Variants in DGKB observed in about 807,000 individuals in gnomAD.
DGKB encodes 90 kDa diacylglycerol kinase.
A neutral mutation model predicts 114.3 loss-of-function variants in DGKB; 67 were observed. That is an observed-to-expected ratio of 0.59 (90% CI 0.48 to 0.72). The LOEUF (loss-of-function observed/expected upper bound fraction) is 0.72, where lower values mean the gene tolerates loss of function less well. Among genes scored for constraint, DGKB ranks in the 30% least tolerant of loss-of-function variants. The pLI, the probability that DGKB is intolerant of heterozygous loss-of-function variation, is 0.00. For synonymous variants in DGKB, 398 were observed against 323.1 expected (o/e 1.23, Z -2.49); for missense variants, 907 against 975.2 (o/e 0.93, Z 0.93).
Position 14,500,194 on chromosome 7 carries a change from C to G in DGKB, c.1771-21969G>C, listed in dbSNP as rs186079201. On this transcript the variant is annotated intron_variant, in intron 20 of 25. Coordinates refer to ENST00000402815, the MANE Select transcript of DGKB (RefSeq NM_001350709.2). The stretch of plus-strand genomic sequence containing the variant: ...ACTTTTAAAAATAAAACAATATCCT[C>G]CTTTTCTCGTAGTCTAAATTTTATT... 3.2e-4 allele frequency among the ~76,000 whole-genome samples: 48 copies of G among 151,862 alleles called. No individual in the cohort carries two copies. The Middle Eastern group carries it at 0.014, about 44-fold the overall frequency.
intron 13 of DGKB, among the ~76,000 whole-genome samples, chr7:14,653,060 C>A (rs1023794765): frequency 1.6e-3 from 237 of 151,092 alleles, no homozygotes; most frequent in African/African-American, 5.2e-3. Flanking sequence ...GTTGGTGGGA[C>A]TGTAAACTAG....
At chr7:14,184,967 G>T (rs1366782514) in intron 23 of DGKB, among the ~76,000 whole-genome samples, 4 of 152,084 alleles carry the variant, frequency 2.6e-5, no homozygotes, top group African/African-American at 9.7e-5. Context: ...ACTGGAACAA[G>T]ACAAGGATGC....
intron 23 of DGKB, among the ~76,000 whole-genome samples, chr7:14,230,379 C>T (rs999305391): frequency 1.3e-5 from 2 of 151,744 alleles, no homozygotes; most frequent in Non-Finnish European, 2.9e-5. Flanking sequence ...GGGGTAAATG[C>T]CATTATACTG....
intron 23 of DGKB, among the ~76,000 whole-genome samples, chr7:14,251,881 G>C (rs1377169120): frequency 5.3e-5 from 8 of 152,112 alleles, no homozygotes; most frequent in East Asian, 1.9e-4. Context: ...GTCTTACAGA[G>C]ATTTCCTTTG....
At chr7:14,692,126 A>G (rs116558923) in intron 9 of DGKB, among the ~76,000 whole-genome samples, 2,368 of 151,966 alleles carry the variant, frequency 0.016, 70 homozygotes, top group African/African-American at 0.054. Flanking sequence ...AACTTCACAA[A>G]TATCTATATT....
intron 21 of DGKB, among the ~76,000 whole-genome samples, chr7:14,362,266 T>C (rs1351597897): frequency 1.3e-5 from 2 of 152,082 alleles, no homozygotes; most frequent in Admixed American, 1.3e-4. Flanking sequence ...TATCAAGAAT[T>C]CATTGAACAA....
At chr7:14,523,817 T>C (rs1790184256) in intron 20 of DGKB, among the ~76,000 whole-genome samples, 1 of 152,180 alleles carries the variant, frequency 6.6e-6, no homozygotes. Flanking sequence ...TATCAGTGTT[T>C]GAATCCTAAC....
In DGKB at chr7:14,217,060, A is replaced by G. The variant is rs1410430969; in HGVS notation, c.2123-38909T>C. Among the ~76,000 whole-genome samples the G allele has an allele frequency of 3.9e-5, 6 of 152,288 alleles. No homozygotes were observed. In the East Asian group the frequency reaches 9.7e-4, roughly 25 times the overall value. ...CATCTCACACACTGAATGAAACTTT[A>G]TGAATTGAGAAAGCCACTTCATTCC... On this transcript the variant is annotated intron_variant, in intron 23 of 25. Coordinates refer to ENST00000402815, the MANE Select transcript of DGKB (RefSeq NM_001350709.2).
chr7:14,321,960 C>T (rs2128537650), intron 23 of DGKB, among the ~76,000 whole-genome samples: 1 of 152,242 alleles, frequency 6.6e-6, no homozygotes, highest in Non-Finnish European at 1.5e-5. Flanking sequence ...CTAAACTGAT[C>T]AATGTAATTT....
chr7:14,920,866 G>A (rs1479251699), intron 1 of DGKB, among the ~76,000 whole-genome samples: 1 of 132,918 alleles, frequency 7.5e-6, no homozygotes, highest in East Asian at 6.1e-4. Context: ...AAACTTACAT[G>A]TATTTTTCTG....
At chr7:14,330,336 TAG>T (rs1468386203) in intron 23 of DGKB, among the ~76,000 whole-genome samples, 1 of 152,030 alleles carries the variant, frequency 6.6e-6, no homozygotes, top group Non-Finnish European at 1.5e-5. Context: ...CATTAGGTGA[TAG>T]AGAGTTGCTC....
intron 25 of DGKB, among the ~76,000 whole-genome samples, chr7:14,158,186 ATTATTT>A (rs376457768): frequency 9.2e-5 from 14 of 152,328 alleles, no homozygotes; most frequent in Non-Finnish European, 2.1e-4. Flanking sequence ...AATAAATGTT[ATTATTT>A]TTAGTGTTAC....
chr7:14,924,998 T>C (rs1404004923), intron 1 of DGKB, among the ~76,000 whole-genome samples: 1 of 152,192 alleles, frequency 6.6e-6, no homozygotes, highest in Non-Finnish European at 1.5e-5. Context: ...TCTTTTTAAA[T>C]TTGTTATATA....
At chr7:14,802,274 A>G (rs1355967873) in intron 2 of DGKB, among the ~76,000 whole-genome samples, 1 of 152,126 alleles carries the variant, frequency 6.6e-6, no homozygotes, top group Non-Finnish European at 1.5e-5. Context: ...AGTTATGTCT[A>G]TAATTCACTT....
chr7:14,642,868 G>A (rs1163452240), intron 13 of DGKB, among the ~76,000 whole-genome samples: 2 of 152,082 alleles, frequency 1.3e-5, no homozygotes, highest in Non-Finnish European at 2.9e-5. Flanking sequence ...TTTAGAATCA[G>A]ACATATATAA....
chr7:14,348,496 G>A (rs1354550488), intron 21 of DGKB, among the ~76,000 whole-genome samples: 9 of 148,956 alleles, frequency 6.0e-5, no homozygotes, highest in African/African-American at 2.2e-4. Context: ...TATACAGATG[G>A]AAAAAAAAAT....
intron 13 of DGKB, among the ~76,000 whole-genome samples, chr7:14,671,482 T>G (rs1053133565): frequency 6.6e-6 from 1 of 152,130 alleles, no homozygotes; most frequent in African/African-American, 2.4e-5. Context: ...AAAACAGCAA[T>G]GAAAGATTTT....
upstream of DGKB, chr7:14,903,275 C>T (rs151177998): frequency 1.0e-3 from 150 of 144,990 alleles, 1 homozygote; most frequent in African/African-American, 3.8e-3. Flanking sequence ...GCGATTTGCG[C>T]GGCTGCAAGC....
intron 1 of DGKB, among the ~76,000 whole-genome samples, chr7:14,941,080 G>C (rs1439633466): frequency 6.6e-6 from 1 of 151,934 alleles, no homozygotes; most frequent in Non-Finnish European, 1.5e-5. Context: ...ATGTGAGGAA[G>C]ACAGAGTTAT....
Sources: gnomAD v4.1 joint callset for allele counts (sites outside exome capture counted in the v4.1 genomes callset) on GRCh38, gnomAD v4.1.1 for gene constraint, MANE v1.5 for transcripts, NCBI Gene and HGNC (gene_info 2026-07-23, HGNC 2026-07-21) for gene names.